Variants in BACH2 observed in about 807,000 individuals in gnomAD.
BACH2 encodes the protein BACH transcriptional regulator 2, also known as transcription regulator protein BACH2.
A neutral mutation model predicts 61.8 loss-of-function variants in BACH2; 5 were observed. That is an observed-to-expected ratio of 0.08 (90% CI 0.04 to 0.17). BACH2 has a LOEUF of 0.17. Among genes scored for constraint, BACH2 ranks in the 10% least tolerant of loss-of-function variants. The probability of loss-of-function intolerance (pLI) is 1.00; values close to 1 mark genes in which losing one functional copy is unlikely to be tolerated. For synonymous variants in BACH2, 446 were observed against 440.1 expected (o/e 1.01, Z -0.17); for missense variants, 824 against 1,091.1 (o/e 0.76, Z 3.45).
chr6:90,211,588 CTGTG>C (rs3072674), intron 3 of BACH2, among the ~76,000 whole-genome samples: 9,115 of 143,994 alleles, frequency 0.063, 370 homozygotes, highest in Admixed American at 0.11. Context: ...GTGTCAAGGG[CTGTG>C]TGTGTGTGTG....
At chr6:90,272,107 T>C (rs1244278651) in intron 1 of BACH2, among the ~76,000 whole-genome samples, 166 bp from the exon 2 acceptor site, 1 of 152,128 alleles carries the variant, frequency 6.6e-6, no homozygotes, top group Non-Finnish European at 1.5e-5. Flanking sequence ...AACTCAGCAA[T>C]ACCACAGACT....
intron 2 of BACH2, among the ~76,000 whole-genome samples, chr6:90,261,682 C>T (rs936771996): frequency 1.3e-5 from 2 of 152,076 alleles, no homozygotes; most frequent in African/African-American, 4.8e-5. Flanking sequence ...TTATTTGCTT[C>T]CTCCTTAAAA....
chr6:89,955,753 C>A (rs1231145415), intron 6 of BACH2, among the ~76,000 whole-genome samples: 1 of 152,146 alleles, frequency 6.6e-6, no homozygotes, highest in Admixed American at 6.5e-5. Flanking sequence ...ATTCATTATA[C>A]TCAGAAGGCA....
At chr6:89,974,880 A>G (rs1775567780) in intron 6 of BACH2, among the ~76,000 whole-genome samples, 1 of 152,190 alleles carries the variant, frequency 6.6e-6, no homozygotes, top group African/African-American at 2.4e-5. Context: ...TCTTCATGGT[A>G]GCTTTTAAAG....
At chr6:89,943,232 G>A (rs1773540244) in intron 7 of BACH2, among the ~76,000 whole-genome samples, 1 of 152,070 alleles carries the variant, frequency 6.6e-6, no homozygotes, top group Non-Finnish European at 1.5e-5. Flanking sequence ...CTTGCATGCT[G>A]TCTGCACCAA....
At chr6:89,996,849 G>A (rs1390170394) in intron 6 of BACH2, among the ~76,000 whole-genome samples, 2 of 152,082 alleles carry the variant, frequency 1.3e-5, no homozygotes, top group East Asian at 3.9e-4. Flanking sequence ...ACTGTATTGT[G>A]GGTTCTTTGA....
At chr6:89,986,360 A>G (rs1776243241) in intron 6 of BACH2, among the ~76,000 whole-genome samples, 1 of 151,722 alleles carries the variant, frequency 6.6e-6, no homozygotes, top group Admixed American at 6.6e-5. Flanking sequence ...TTTTTGTTCA[A>G]CTTGCTTTCT....
chr6:89,974,038 A>G (rs1284185675), intron 6 of BACH2, among the ~76,000 whole-genome samples: 4 of 152,026 alleles, frequency 2.6e-5, no homozygotes, highest in African/African-American at 9.7e-5. Flanking sequence ...AGAAACTTGA[A>G]CTAGAGCTGG....
chr6:90,017,271 G>A (rs1368889318), intron 5 of BACH2, among the ~76,000 whole-genome samples: 1 of 151,772 alleles, frequency 6.6e-6, no homozygotes, highest in Non-Finnish European at 1.5e-5. Flanking sequence ...TTGAGGTGGA[G>A]TTCAGTGGTG....
intron 7 of BACH2, among the ~76,000 whole-genome samples, chr6:89,938,582 T>C (rs900465026): frequency 5.9e-5 from 9 of 152,370 alleles, no homozygotes; most frequent in Admixed American, 2.0e-4. Context: ...TCTGAGATTT[T>C]TGAAGCAAAT....
intron 6 of BACH2, among the ~76,000 whole-genome samples, chr6:89,967,336 A>G (rs1272602558): frequency 1.3e-5 from 2 of 152,232 alleles, no homozygotes; most frequent in African/African-American, 4.8e-5. Flanking sequence ...CCAAGTCTCA[A>G]GAACACCAGG....
At chr6:90,067,549 C>T (rs755766632) in intron 5 of BACH2, among the ~76,000 whole-genome samples, 1 of 152,122 alleles carries the variant, frequency 6.6e-6, no homozygotes, top group Non-Finnish European at 1.5e-5. Context: ...ACAGCAACGG[C>T]AGGAGAGGGC....
At chr6:90,078,074 T>C (rs930027458) in intron 5 of BACH2, among the ~76,000 whole-genome samples, 3 of 152,200 alleles carry the variant, frequency 2.0e-5, no homozygotes, top group African/African-American at 7.2e-5. Flanking sequence ...CAGCAATTGT[T>C]TTCTACCTGT....
Position 90,253,488 on chromosome 6 carries a change from C to A in BACH2, c.-352-898G>T, listed in dbSNP as rs1449449611. On this transcript the variant is annotated intron_variant, in intron 2 of 8. Coordinates refer to ENST00000257749, the MANE Select transcript of BACH2 (RefSeq NM_021813.4). ...TAGGATACCTTAGAAGAGGTATCTG[C>A]ATTTGATGGGTGTTAAACTTCAGGA... Among the ~76,000 whole-genome samples, 38 of 152,118 alleles carry A rather than the reference C, an allele frequency of 2.5e-4. 1 individual carries two copies. Among genetic ancestry groups the A allele is most frequent in the Non-Finnish European group, 1.5e-5 (1 of 68,024 alleles).
At chr6:90,074,876 T>C (rs959233730) in intron 5 of BACH2, among the ~76,000 whole-genome samples, 1 of 152,142 alleles carries the variant, frequency 6.6e-6, no homozygotes, top group Admixed American at 6.6e-5. Context: ...TTTCTCCCTT[T>C]CCAATTTTAA....
intron 4 of BACH2, among the ~76,000 whole-genome samples, chr6:90,120,076 T>G (rs374288770): frequency 6.6e-6 from 1 of 152,252 alleles, no homozygotes; most frequent in East Asian, 1.9e-4. Flanking sequence ...CATTCATTCA[T>G]TCATCTATTC....
intron 4 of BACH2, among the ~76,000 whole-genome samples, chr6:90,142,154 G>A (rs767001201): frequency 2.6e-5 from 4 of 152,072 alleles, no homozygotes; most frequent in Non-Finnish European, 5.9e-5. Flanking sequence ...AACGTCTTTC[G>A]AGTCATCTAA....
chr6:90,093,734 G>A (rs1051567301), intron 4 of BACH2, among the ~76,000 whole-genome samples: 1 of 152,124 alleles, frequency 6.6e-6, no homozygotes, highest in Admixed American at 6.6e-5. Context: ...CCTAGGTGCT[G>A]GGCCATGTTT....
chr6:90,009,287 T>C (rs1308710293), intron 5 of BACH2, among the ~76,000 whole-genome samples: 2 of 152,226 alleles, frequency 1.3e-5, no homozygotes, highest in Non-Finnish European at 2.9e-5. Flanking sequence ...TTTTGAAGTA[T>C]TTGTAATGTT....
Sources: allele counts gnomAD v4.1 joint callset (sites outside exome capture counted in the v4.1 genomes callset), GRCh38; gene constraint gnomAD v4.1.1; transcripts MANE v1.5; gene names NCBI Gene and HGNC (gene_info 2026-07-23, HGNC 2026-07-21).